ZFAND3: variants seen among roughly 807,000 people sequenced by gnomAD.
The protein encoded by ZFAND3 is AN1-type zinc finger protein 3.
Under a neutral mutation model 29.6 loss-of-function variants are expected in ZFAND3, and 10 were observed. The observed-to-expected ratio is 0.34, with a 90% CI of 0.21 to 0.57. The LOEUF (loss-of-function observed/expected upper bound fraction) is 0.57. Ranked by LOEUF, ZFAND3 falls within the 20% of genes least tolerant of loss-of-function variation. The pLI, the probability that ZFAND3 is intolerant of heterozygous loss-of-function variation, is 0.86. For synonymous variants in ZFAND3, 128 were observed against 112.6 expected, an observed-to-expected ratio of 1.14 and a Z score of -0.87; for missense variants, 230 against 304.5, an observed-to-expected ratio of 0.76 and a Z score of 1.82.
chr6:37,828,203 C>G (rs1017313090), intron 1 of ZFAND3, among the ~76,000 whole-genome samples: 1 of 152,212 alleles, frequency 6.6e-6, no homozygotes, highest in Non-Finnish European at 1.5e-5. Flanking sequence ...TTCCTGTAGT[C>G]AGCTTCTTTG....
chr6:37,959,357 G>T (rs777523824), intron 2 of ZFAND3, among the ~76,000 whole-genome samples: 1 of 152,192 alleles, frequency 6.6e-6, no homozygotes, highest in Non-Finnish European at 1.5e-5. Flanking sequence ...AAATGGAAAT[G>T]TTAACATTGG....
chr6:37,952,331 A>G lies in ZFAND3; in HGVS notation c.112+22332A>G, dbSNP rs75021471. ...AATTCAGCTGTGAGTCTTCTGGTTC[A>G]GGGCTTTTGCTGGATTGGTAGGCTT... On this transcript the variant is annotated intron_variant, in intron 2 of 5. Coordinates refer to ENST00000287218, the MANE Select transcript of ZFAND3 (RefSeq NM_021943.3). 5.6e-3 allele frequency among the ~76,000 whole-genome samples: 851 copies of G among 152,200 alleles called. 68 individuals carry two copies. The East Asian group carries it at 0.14, about 26-fold the overall frequency.
At chr6:37,945,091 C>A (rs575181138) in intron 2 of ZFAND3, among the ~76,000 whole-genome samples, 1 of 152,276 alleles carries the variant, frequency 6.6e-6, no homozygotes, top group African/African-American at 2.4e-5. Flanking sequence ...TGTTAATGAG[C>A]ATATAATGAG....
chr6:37,852,565 T>C (rs897085662), intron 1 of ZFAND3, among the ~76,000 whole-genome samples: 1 of 152,316 alleles, frequency 6.6e-6, no homozygotes, highest in East Asian at 1.9e-4. Context: ...TGCCTTCTTA[T>C]TTCTTCTCTT....
chr6:38,144,171 GATATATATATATA>G (rs1252654642), intron 5 of ZFAND3, among the ~76,000 whole-genome samples: 5,699 of 87,132 alleles, frequency 0.065, 336 homozygotes, highest in African/African-American at 0.15. Context: ...AGAAAAATGT[GATATATATATATA>G]ATATATATAT....
intron 2 of ZFAND3, among the ~76,000 whole-genome samples, chr6:37,978,427 A>G (rs1483772128): frequency 6.6e-6 from 1 of 152,112 alleles, no homozygotes; most frequent in African/African-American, 2.4e-5. Context: ...TTGTTATTAG[A>G]GTACTTCTGA....
intron 5 of ZFAND3, chr6:38,142,261 G>GT (rs1323134984): frequency 4.7e-5 from 22 of 471,504 alleles, no homozygotes; most frequent in African/African-American, 4.4e-4. Flanking sequence ...TTTTCCAGGT[G>GT]TTTCTCTGGA....
At chr6:38,093,989 G>A (rs1379210426) in intron 4 of ZFAND3, among the ~76,000 whole-genome samples, 1 of 152,152 alleles carries the variant, frequency 6.6e-6, no homozygotes, top group Non-Finnish European at 1.5e-5. Flanking sequence ...GCAAGACTCA[G>A]CAGAGGCAGA....
chr6:37,932,089 C>T (rs557332300), intron 2 of ZFAND3, among the ~76,000 whole-genome samples: 32 of 151,952 alleles, frequency 2.1e-4, no homozygotes, highest in African/African-American at 7.0e-4. Context: ...GCCAACATGG[C>T]GAAACCCCGT....
rs373523775 is a variant in ZFAND3, at chr6:37,958,227, G to T, written c.112+28228G>T. Among the ~76,000 whole-genome samples the T allele has an allele frequency of 2.6e-5, 4 of 152,294 alleles. No homozygotes were observed. The East Asian group carries it at 5.8e-4, about 22-fold the overall frequency. On this transcript the variant is annotated intron_variant, in intron 2 of 5. Transcript: ENST00000287218. ...CCAGCACTTTGGGAGACCAAGGTGG[G>T]CAGATCACCTGAGGTCAGGAGTTCG... is the stretch of plus-strand genomic sequence containing the variant.
intron 2 of ZFAND3, among the ~76,000 whole-genome samples, chr6:37,937,106 G>A (rs1304357679): frequency 1.3e-5 from 2 of 152,162 alleles, no homozygotes; most frequent in African/African-American, 2.4e-5. Context: ...GAATACCAGA[G>A]TAAAAGTGGT....
intron 2 of ZFAND3, among the ~76,000 whole-genome samples, chr6:37,931,231 T>A (rs1383048800): frequency 6.6e-6 from 1 of 152,164 alleles, no homozygotes; most frequent in Admixed American, 6.5e-5. Flanking sequence ...AAGCCCTTTT[T>A]AGTAAATGAT....
chr6:38,034,171 T>C (rs1026016640), intron 2 of ZFAND3, among the ~76,000 whole-genome samples: 1 of 152,186 alleles, frequency 6.6e-6, no homozygotes, highest in African/African-American at 2.4e-5. Flanking sequence ...AACTTAAATG[T>C]GCCAGATTGC....
At chr6:38,140,767 A>G (rs1005199410) in intron 5 of ZFAND3, among the ~76,000 whole-genome samples, 5 of 152,148 alleles carry the variant, frequency 3.3e-5, no homozygotes, top group African/African-American at 9.7e-5. Flanking sequence ...GTGGTTATTA[A>G]TACCTTCCAC....
At chr6:37,862,767 G>T (rs1404208761) in intron 1 of ZFAND3, among the ~76,000 whole-genome samples, 1 of 151,400 alleles carries the variant, frequency 6.6e-6, no homozygotes, top group African/African-American at 2.4e-5. Flanking sequence ...GTCTAGCATA[G>T]TATGGTATTA....
intron 1 of ZFAND3, among the ~76,000 whole-genome samples, chr6:37,837,930 A>G (rs1269084868): frequency 6.6e-6 from 1 of 152,232 alleles, no homozygotes; most frequent in Non-Finnish European, 1.5e-5. Flanking sequence ...CATAAATATT[A>G]CGGCAACTTG....
intron 2 of ZFAND3, among the ~76,000 whole-genome samples, chr6:37,941,354 T>A (rs753704604): frequency 5.3e-5 from 8 of 152,204 alleles, no homozygotes; most frequent in Non-Finnish European, 1.2e-4. Flanking sequence ...GAGTATTCTC[T>A]TTTCTTCTGC....
intron 5 of ZFAND3, among the ~76,000 whole-genome samples, chr6:38,121,960 C>A (rs1488377954): frequency 6.6e-6 from 1 of 152,172 alleles, no homozygotes; most frequent in Non-Finnish European, 1.5e-5. Context: ...CCAGTCTCTG[C>A]TAGGAGGGTT....
chr6:37,997,726 T>C (rs1397177279), intron 2 of ZFAND3, among the ~76,000 whole-genome samples: 3 of 152,234 alleles, frequency 2.0e-5, no homozygotes, highest in Non-Finnish European at 4.4e-5. Context: ...CTTTGAATCC[T>C]AGTGTATACA....
Sources: allele counts gnomAD v4.1 joint callset (sites outside exome capture counted in the v4.1 genomes callset), GRCh38; gene constraint gnomAD v4.1.1; transcripts MANE v1.5; gene names NCBI Gene and HGNC (gene_info 2026-07-23, HGNC 2026-07-21).